Variants in SLC24A2 observed in about 807,000 individuals in gnomAD.
The protein encoded by SLC24A2 is sodium/potassium/calcium exchanger 2.
SLC24A2 carries 36 observed loss-of-function variants against 62.0 expected under a neutral mutation model. The ratio of observed to expected loss-of-function variants is 0.58; its 90% CI spans 0.44 to 0.77. The LOEUF is 0.77. Among genes scored for constraint, SLC24A2 ranks in the 30% least tolerant of loss-of-function variants. The probability of loss-of-function intolerance (pLI) is 0.00; values close to 1 mark genes in which losing one functional copy is unlikely to be tolerated. For synonymous variants in SLC24A2, 358 were observed against 294.0 expected, an observed-to-expected ratio of 1.22 and a Z score of -2.23; for missense variants, 846 against 817.9, an observed-to-expected ratio of 1.03 and a Z score of -0.42.
the SLC24A2 span, among the ~76,000 whole-genome samples, chr9:20,055,705 T>C: frequency 1.3e-5 from 2 of 152,060 alleles, no homozygotes; most frequent in African/African-American, 2.4e-5. Flanking sequence ...CTGGGCAACA[T>C]GGTGAAAAAC....
the SLC24A2 span, among the ~76,000 whole-genome samples, chr9:20,153,653 G>A: frequency 1.3e-5 from 2 of 151,742 alleles, no homozygotes; most frequent in African/African-American, 4.8e-5. Flanking sequence ...TTTTAGGGAA[G>A]CTTTCCTAAT....
the SLC24A2 span, among the ~76,000 whole-genome samples, chr9:19,947,808 A>AG: frequency 4.9e-4 from 29 of 59,266 alleles, no homozygotes; most frequent in African/African-American, 1.3e-3. Flanking sequence ...AAAAAAAAAA[A>AG]AAAGAAAGAA....
At chr9:20,062,171 G>A in the SLC24A2 span, among the ~76,000 whole-genome samples, 1 of 152,208 alleles carries the variant, frequency 6.6e-6, no homozygotes, top group African/African-American at 2.4e-5. Context: ...CAAGGTAGCA[G>A]TGAGCTATGA....
At chr9:20,287,031 A>G in the SLC24A2 span, among the ~76,000 whole-genome samples, 1 of 152,200 alleles carries the variant, frequency 6.6e-6, no homozygotes. Context: ...GGATTCAGTG[A>G]GTCTAGAGTA....
At chr9:19,776,985 C>A (rs1023422994) in intron 2 of SLC24A2, among the ~76,000 whole-genome samples, 1 of 152,184 alleles carries the variant, frequency 6.6e-6, no homozygotes, top group Non-Finnish European at 1.5e-5. Context: ...TCCCTGAAAA[C>A]TTCATTTCCC....
chr9:19,670,004 C>T (rs1819370034), intron 2 of SLC24A2, among the ~76,000 whole-genome samples: 1 of 152,174 alleles, frequency 6.6e-6, no homozygotes, highest in Non-Finnish European at 1.5e-5. Context: ...ATGGGTCTGC[C>T]TCAAGACAGG....
the SLC24A2 span, among the ~76,000 whole-genome samples, chr9:19,971,341 T>C: frequency 6.6e-6 from 1 of 152,194 alleles, no homozygotes; most frequent in Non-Finnish European, 1.5e-5. Context: ...TTATACAGCA[T>C]GATTATGGTA....
the SLC24A2 span, chr9:19,926,812 T>A: frequency 6.6e-6 from 1 of 152,348 alleles, no homozygotes; most frequent in Non-Finnish European, 1.5e-5. Context: ...AAAGACATTC[T>A]GGAGAGCACA....
the SLC24A2 span, among the ~76,000 whole-genome samples, chr9:19,995,081 T>TC: frequency 4.7e-5 from 7 of 149,882 alleles, no homozygotes; most frequent in Non-Finnish European, 8.9e-5. Flanking sequence ...TCTCAGGCCT[T>TC]TTTTTTTTTT....
At chr9:20,177,321 A>G in the SLC24A2 span, among the ~76,000 whole-genome samples, 1 of 152,084 alleles carries the variant, frequency 6.6e-6, no homozygotes, top group African/African-American at 2.4e-5. Flanking sequence ...TTATTACCGT[A>G]TTTACTTCGC....
At chr9:20,084,200 C>T in the SLC24A2 span, among the ~76,000 whole-genome samples, 1 of 152,162 alleles carries the variant, frequency 6.6e-6, no homozygotes, top group African/African-American at 2.4e-5. Flanking sequence ...TCAGCAGGTA[C>T]CTGAAAGCTG....
the SLC24A2 span, among the ~76,000 whole-genome samples, chr9:20,219,535 T>G: frequency 1.7e-4 from 26 of 152,318 alleles, no homozygotes; most frequent in South Asian, 4.6e-3. Flanking sequence ...AAGTTTCTCC[T>G]AACTGGCAGG....
At chr9:19,774,900 C>G (rs1321161003) in intron 2 of SLC24A2, among the ~76,000 whole-genome samples, 2 of 152,198 alleles carry the variant, frequency 1.3e-5, no homozygotes, top group Non-Finnish European at 2.9e-5. Flanking sequence ...CCCATAAGTA[C>G]AAGCAAGTAT....
chr9:19,886,941 C>T, the SLC24A2 span, among the ~76,000 whole-genome samples: 10 of 152,110 alleles, frequency 6.6e-5, no homozygotes, highest in Non-Finnish European at 8.8e-5. Flanking sequence ...ACTCAGCAAA[C>T]TAACGCAGGA....
chr9:19,786,587 T>C lies in SLC24A2; in HGVS notation c.280A>G (p.Ile94Val). ...QRTLLDLNDK[I>V]LDYTPQPPLS... is the part of the protein sequence containing the mutation. Reference sequence around the variant, plus strand: ...GGTGGCTGTGGAGTATAATCCAGAATCTTGTCATTTAAATCTAAGAGAGTT... The same window carrying C: ...GGTGGCTGTGGAGTATAATCCAGAACCTTGTCATTTAAATCTAAGAGAGTT... The change falls in exon 2 of 11, where the codon ATT becomes GTT. Residue 94 changes from isoleucine (I) to valine (V), a missense_variant. Ile to Val is a conservative substitution (Grantham distance 29). Coordinates refer to ENST00000341998, the MANE Select transcript of SLC24A2 (RefSeq NM_020344.4). The surrounding 1 kb of genome is among the most constrained non-coding windows in gnomAD (Gnocchi z 5.0). 6.2e-7 allele frequency: 1 copy of C among 1,614,158 alleles called. No individual in the cohort carries two copies. The highest frequency in any genetic ancestry group is 8.5e-7 in the Non-Finnish European group (1 of 1,180,016).
chr9:20,198,724 C>G, the SLC24A2 span, among the ~76,000 whole-genome samples: 2 of 151,898 alleles, frequency 1.3e-5, no homozygotes, highest in East Asian at 3.9e-4. Context: ...CCATCCACCC[C>G]GAGGTGCCAA....
upstream of SLC24A2, among the ~76,000 whole-genome samples, chr9:19,791,160 C>T (rs1369820483): frequency 3.3e-5 from 5 of 152,298 alleles, no homozygotes; most frequent in East Asian, 3.9e-4. Flanking sequence ...GAACCCAGAT[C>T]TTTTGATCTG....
the SLC24A2 span, among the ~76,000 whole-genome samples, chr9:20,099,081 A>G: frequency 6.6e-6 from 1 of 152,254 alleles, no homozygotes; most frequent in Non-Finnish European, 1.5e-5. Context: ...ATGTAGCAGC[A>G]GACAAATTTA....
Position 19,618,052 on chromosome 9 carries a change from A to G in SLC24A2, c.1078+1532T>C, listed in dbSNP as rs141463269. Among the ~76,000 whole-genome samples the G allele has an allele frequency of 2.6e-3, 401 of 152,354 alleles. 3 individuals carry two copies. The highest frequency in any genetic ancestry group is 0.014 in the Middle Eastern group (4 of 294). On this transcript the variant is annotated intron_variant, in intron 4 of 10. Coordinates refer to ENST00000341998, the MANE Select transcript of SLC24A2 (RefSeq NM_020344.4). Reference sequence around the variant, plus strand: ...TGAAAGTAGAATAATAATGTTAGCTATGAAGCATTATTGTGAAGCATAAGT... The same window carrying G: ...TGAAAGTAGAATAATAATGTTAGCTGTGAAGCATTATTGTGAAGCATAAGT...
Sources: allele counts gnomAD v4.1 joint callset (sites outside exome capture counted in the v4.1 genomes callset), GRCh38; gene constraint gnomAD v4.1.1; non-coding constraint Gnocchi (gnomAD v3.1); transcripts MANE v1.5; gene names NCBI Gene and HGNC (gene_info 2026-07-23, HGNC 2026-07-21).